Variants in ZNF418 observed in about 807,000 individuals in gnomAD.
ZNF418 encodes the protein zinc finger protein 418.
Under a neutral mutation model 32.0 loss-of-function variants are expected in ZNF418, and 32 were observed. The observed-to-expected ratio is 1.00, with a 90% confidence interval of 0.75 to 1.34. ZNF418 has a LOEUF of 1.34. Among genes scored for constraint, ZNF418 ranks in the 40% most tolerant of loss-of-function variants. ZNF418 has a pLI of 0.00. For synonymous variants in ZNF418, 276 were observed against 270.7 expected (o/e 1.02, Z -0.19); for missense variants, 804 against 812.5 (o/e 0.99, Z 0.13).
rs1320606914 is a variant in ZNF418, at chr19:57,927,796, T to A, written c.385A>T (p.Asn129Tyr). 6.2e-7 allele frequency: 1 copy of A among 1,614,210 alleles called. No homozygotes were observed. The highest frequency in any genetic ancestry group is 8.5e-7 in the Non-Finnish European group (1 of 1,180,046). ...TAGGGTTTCTCTCCAAGGTACTGAT[T>A]CTGGTGCGGACGGTTTGAACTATCA... ...LYDSSNRPHQNQYLGEKPYRS... is the reference protein window; with the variant it reads ...LYDSSNRPHQYQYLGEKPYRS... The change falls in exon 4 of 6, where the codon AAT (asparagine) becomes TAT (tyrosine). Residue 129 changes from asparagine (N) to tyrosine (Y), a missense_variant. Asn to Tyr is a moderately radical substitution (Grantham distance 143). Coordinates refer to ENST00000396147, the MANE Select transcript of ZNF418 (RefSeq NM_133460.3).
At position 57,930,440 on chromosome 19, in the gene ZNF418, T is replaced by A; in HGVS notation, c.121A>T (p.Ile41Leu). Reference protein sequence around the residue: ...HDVMLENWVLISSLGCWCGSE... With the variant: ...HDVMLENWVLLSSLGCWCGSE... ...GTGAGGAACTTACCCAGGGAGGATA[T>A]AAGTACCCAGTTCTCCAGCATCACG... is the stretch of plus-strand genomic sequence containing the variant. Residue 41 changes from isoleucine to leucine, a missense_variant, in exon 3 of 6, where the codon ATA becomes TTA. Physicochemically the swap from Ile to Leu is conservative, Grantham distance 5 (BLOSUM62 2). Around this residue, in one of 3 missense-constraint regions of ZNF418, gnomAD observed 307 missense variants for 304.9 expected, o/e 1.01. Transcript: ENST00000396147. 1 of 1,614,088 alleles carries A rather than the reference T, an allele frequency of 6.2e-7. No homozygotes were observed. Among genetic ancestry groups the A allele is most frequent in the Non-Finnish European group, 8.5e-7 (1 of 1,180,000 alleles).
Position 57,935,328 on chromosome 19 carries a change from C to G in ZNF418, c.-248G>C. On this transcript the variant is annotated 5_prime_UTR_variant, in exon 1 of 6. Transcript: ENST00000396147. ...CGGTTCGGACCCATAGCTCCAGCGC[C>G]TCTCACCTCACAAACCGCAGAAACA... 1.3e-6 allele frequency: 1 copy of G among 755,682 alleles called. No homozygotes were observed. Among genetic ancestry groups the G allele is most frequent in the Non-Finnish European group, 1.7e-6 (1 of 599,268 alleles). The allele number at this position is 755,682 out of a possible 1,614,324, so 46.8% of individuals were successfully genotyped here.
At chr19:57,930,630 C>T in intron 2 of ZNF418, 76 bp from the exon 3 acceptor site, 1 of 1,591,260 alleles carries the variant, frequency 6.3e-7, no homozygotes. Flanking sequence ...CCCACACCCC[C>T]ACCCCCTTGC....
rs1327997256 is a variant in ZNF418 at position 57,922,485 on chromosome 19, C to G, written c.*770G>C. ...TTTACCCATGACTTCCACGGTGGCT[C>G]TTCTGTAAGGAAATGCTTGAACCCA... On this transcript the variant is annotated 3_prime_UTR_variant, in exon 6 of 6. Transcript: ENST00000396147. 2.5e-6 allele frequency: 1 copy of G among 397,914 alleles called. No homozygotes were observed. The highest frequency in any genetic ancestry group is 2.1e-5 in the African/African-American group (1 of 48,510). The allele number at this position is 397,914 out of a possible 1,614,324, so 24.6% of individuals were successfully genotyped here. A position where few individuals can be genotyped will look rare whatever the true frequency, so the allele number is the denominator to read the frequency against.
At chr19:57,924,899 G>C (rs1396110105) in intron 4 of ZNF418, among the ~76,000 whole-genome samples, 1 of 152,064 alleles carries the variant, frequency 6.6e-6, no homozygotes, top group Admixed American at 6.6e-5. Flanking sequence ...TGGAGGCCTT[G>C]GGCAGCCATG....
intron 2 of ZNF418, among the ~76,000 whole-genome samples, chr19:57,933,358 T>A (rs1385090198): frequency 6.6e-6 from 1 of 152,132 alleles, no homozygotes; most frequent in African/African-American, 2.4e-5. Context: ...GACGGGTAGA[T>A]CACGAGGTCA....
Position 57,926,692 on chromosome 19 carries a change from A to G in ZNF418, c.1489T>C (p.Phe497Leu), listed in dbSNP as rs773273464. 1.2e-6 allele frequency: 2 copies of G among 1,613,358 alleles called. No individual in the cohort carries two copies. The highest frequency in any genetic ancestry group is 1.1e-5 in the South Asian group (1 of 91,032). ...CGKSFQDSSGFRVHQRVHTGE... is the reference protein window; with the variant it reads ...CGKSFQDSSGLRVHQRVHTGE... ...GTGTGAACTCTCTGATGAACACGAA[A>G]CCCAGAGCTGTCTTGAAATGATTTC... Residue 497 changes from phenylalanine (F) to leucine (L), a missense_variant, in exon 4 of 6, where the codon TTT becomes CTT. By Grantham distance (22) the Phe-to-Leu change is conservative. This residue lies in a region of ZNF418 where 475 missense variants were observed against 458.6 expected (regional missense o/e 1.04). Coordinates refer to ENST00000396147, the MANE Select transcript of ZNF418 (RefSeq NM_133460.3).
Position 57,926,202 on chromosome 19 carries a change from G to A in ZNF418, c.1979C>T (p.Ser660Phe). ...AACTCTCTGATGTCGAAGGAGAGAA[G>A]AGCTTCGATGAAATGATTTTCCACA... ...SECGKSFHRS[S>F]SLLRHQRVHT... Residue 660 changes from serine to phenylalanine, a missense_variant, in exon 4 of 6, where the codon TCT (serine) becomes TTT (phenylalanine). Around this residue, in one of 3 missense-constraint regions of ZNF418, gnomAD observed 475 missense variants for 458.6 expected, o/e 1.04. Coordinates refer to ENST00000396147, the MANE Select transcript of ZNF418 (RefSeq NM_133460.3). The A allele has an allele frequency of 6.2e-7, 1 of 1,614,014 alleles. No homozygotes were observed. The highest frequency in any genetic ancestry group is 8.5e-7 in the Non-Finnish European group (1 of 1,179,904).
At chr19:57,925,331 G>C (rs946497207) in intron 4 of ZNF418, among the ~76,000 whole-genome samples, 3 of 151,964 alleles carry the variant, frequency 2.0e-5, no homozygotes, top group African/African-American at 7.3e-5. Context: ...CATGGTGGTG[G>C]GCACCTGTAG....
At chr19:57,935,077 G>T in intron 1 of ZNF418, 84 bp downstream of exon 1, 1 of 1,337,426 alleles carries the variant, frequency 7.5e-7, no homozygotes, top group South Asian at 1.4e-5. Context: ...CCGGGCTGCA[G>T]ACCTGTGAAC....
At position 57,927,587 on chromosome 19, in the gene ZNF418, C is replaced by G. The variant is rs201443589; in HGVS notation, c.594G>C (p.Trp198Cys). 6 of 1,614,188 alleles carry G rather than the reference C, an allele frequency of 3.7e-6. No individual in the cohort carries two copies. In the Middle Eastern group the frequency reaches 6.6e-4, roughly 178 times the overall value. Reference protein sequence around the residue: ...SKPECESPFQWGDTHYSCGEC... With the variant: ...SKPECESPFQCGDTHYSCGEC... ...CTCCACAGCTGTAATGAGTATCTCC[C>G]CACTGAAAGGGAGACTCACACTCAG... The change falls in exon 4 of 6, where the codon TGG (tryptophan) becomes TGC (cysteine). Residue 198 changes from tryptophan (W) to cysteine (C), a missense_variant. Coordinates refer to ENST00000396147, the MANE Select transcript of ZNF418 (RefSeq NM_133460.3).
chr19:57,925,581 T>A lies in ZNF418; in HGVS notation c.*527+42A>T, dbSNP rs79325156. On this transcript the variant is annotated intron_variant, in intron 4 of 5. Transcript: ENST00000396147. ...TGAGACAGATCCATGGTCTCGCTCA[T>A]CCGAAAGAAATGAGAAAGGAATGAC... 1.2e-4 allele frequency: 19 copies of A among 158,914 alleles called. No homozygotes were observed. In the East Asian group the frequency reaches 3.5e-3, roughly 29 times the overall value. 9.8% of individuals were successfully genotyped at this position (158,914 alleles called of 1,614,324 possible).
intron 1 of ZNF418, chr19:57,934,145 A>C (rs1600188686): frequency 7.6e-7 from 1 of 1,313,802 alleles, no homozygotes; most frequent in East Asian, 3.2e-5. Flanking sequence ...GGCAAGTAAG[A>C]GTCCCAGGAC....
Position 57,927,909 on chromosome 19 carries a change from A to C in ZNF418, c.272T>G (p.Leu91Trp). 6.2e-7 allele frequency: 1 copy of C among 1,614,062 alleles called. No individual in the cohort carries two copies. The highest frequency in any genetic ancestry group is 8.5e-7 in the Non-Finnish European group (1 of 1,180,022). Residue 91 changes from leucine (L) to tryptophan (W), a missense_variant, in exon 4 of 6, where the codon TTG (leucine) becomes TGG (tryptophan). Leu to Trp is a moderately conservative substitution (Grantham distance 61). Transcript: ENST00000396147. ...AHSCEMCGAI[L>W]GDILHLADHQ... ...ATCTGCCAAGTGCAAAATGTCTCCC[A>C]AGATCGCGCCACACATTTCACAAGA...
intron 2 of ZNF418, among the ~76,000 whole-genome samples, chr19:57,931,021 C>A (rs368796915): frequency 1.4e-4 from 21 of 152,028 alleles, no homozygotes; most frequent in Non-Finnish European, 2.4e-4. Flanking sequence ...GTGATCCACC[C>A]GCCTCAGCCT....
At chr19:57,922,847 T>TA (rs2072043786) in intron 5 of ZNF418, among the ~76,000 whole-genome samples, 2 of 151,528 alleles carry the variant, frequency 1.3e-5, no homozygotes, top group Admixed American at 1.3e-4. Flanking sequence ...AGAAAAATTT[T>TA]AAAAATTAGC....
Position 57,926,186 on chromosome 19 carries a change from A to T in ZNF418, c.1995T>A (p.His665Gln). The T allele has an allele frequency of 6.2e-7, 1 of 1,613,726 alleles. No individual in the cohort carries two copies. The highest frequency in any genetic ancestry group is 8.5e-7 in the Non-Finnish European group (1 of 1,179,672). ...SFHRSSSLLR[H>Q]QRVHTERSPY... Reference sequence around the variant, plus strand: ...GACTTCTTTCTGTGTGAACTCTCTGATGTCGAAGGAGAGAAGAGCTTCGAT... The same window carrying T: ...GACTTCTTTCTGTGTGAACTCTCTGTTGTCGAAGGAGAGAAGAGCTTCGAT... Residue 665 changes from histidine (H) to glutamine (Q), a missense_variant, in exon 4 of 6, where the codon CAT becomes CAA. By Grantham distance (24) the His-to-Gln change is conservative (BLOSUM62 0). Coordinates refer to ENST00000396147, the MANE Select transcript of ZNF418 (RefSeq NM_133460.3).
intron 4 of ZNF418, among the ~76,000 whole-genome samples, chr19:57,924,118 G>T (rs2072117268): frequency 6.6e-6 from 1 of 151,096 alleles, no homozygotes; most frequent in South Asian, 2.1e-4. Context: ...TCCAGCCTGG[G>T]TCACAGAGCA....
chr19:57,934,753 A>G lies in ZNF418; in HGVS notation c.-81+408T>C, dbSNP rs956446689. 12 of 245,136 alleles carry G rather than the reference A, an allele frequency of 4.9e-5. No homozygotes were observed. In the South Asian group the frequency reaches 5.1e-4, roughly 10 times the overall value. 15.2% of individuals were successfully genotyped at this position (245,136 alleles called of 1,614,324 possible). ...CCCTAAGGTCCTCATCTCCTCTACT[A>G]TGTTCTTCCTTTGGCCTTTGGGAAA... On this transcript the variant is annotated intron_variant, in intron 1 of 5. Transcript: ENST00000396147.
Sources: gnomAD v4.1 joint callset for allele counts (sites outside exome capture counted in the v4.1 genomes callset) on GRCh38, gnomAD v4.1.1 for gene constraint, gnomAD v4.1.1 regional missense constraint, MANE v1.5 for transcripts, NCBI Gene and HGNC (gene_info 2026-07-23, HGNC 2026-07-21) for gene names.